ATRNL1: variants seen among roughly 807,000 people sequenced by gnomAD.
ATRNL1 encodes attractin like 1.
In ATRNL1, 95 loss-of-function variants were observed where a neutral mutation model predicts 182.7. That is an observed-to-expected ratio of 0.52 (90% confidence interval 0.44 to 0.62). ATRNL1 has a LOEUF of 0.62. Ranked by LOEUF, ATRNL1 falls within the 20% of genes least tolerant of loss-of-function variation. ATRNL1 has a pLI of 0.00. For missense variants in ATRNL1, 1,471 were observed against 1,679.5 expected, an observed-to-expected ratio of 0.88 and a Z score of 2.17; for synonymous variants, 576 against 568.3, an observed-to-expected ratio of 1.01 and a Z score of -0.19.
chr10:115,429,786 G>A (rs1554963570), intron 21 of ATRNL1, among the ~76,000 whole-genome samples: 1 of 151,984 alleles, frequency 6.6e-6, no homozygotes, highest in East Asian at 1.9e-4. Context: ...ATTATTTTCT[G>A]GCCGGGCGCT....
intron 27 of ATRNL1, among the ~76,000 whole-genome samples, chr10:115,746,068 A>G (rs1365209322): frequency 6.6e-6 from 1 of 152,134 alleles, no homozygotes; most frequent in Admixed American, 6.6e-5. Flanking sequence ...TTTAACTTTT[A>G]TAAGAAAAAA....
chr10:115,538,518 C>A (rs1554991111), intron 25 of ATRNL1, among the ~76,000 whole-genome samples: 1 of 152,062 alleles, frequency 6.6e-6, no homozygotes, highest in Admixed American at 6.6e-5. Context: ...TTTTTCAAAT[C>A]TTTTGCCTAG....
chr10:115,890,233 C>T (rs1952047716), intron 28 of ATRNL1, among the ~76,000 whole-genome samples: 2 of 152,146 alleles, frequency 1.3e-5, no homozygotes, highest in Admixed American at 1.3e-4. Flanking sequence ...CACATGGGGA[C>T]AGAGTGGCAG....
chr10:115,249,514 G>A (rs1467966222), intron 10 of ATRNL1, among the ~76,000 whole-genome samples: 2 of 151,948 alleles, frequency 1.3e-5, no homozygotes, highest in East Asian at 3.9e-4. Context: ...TATCCCTCAC[G>A]TGTAAATAGT....
chr10:115,159,522 A>G (rs1846679216), intron 5 of ATRNL1, among the ~76,000 whole-genome samples: 1 of 149,896 alleles, frequency 6.7e-6, no homozygotes, highest in Admixed American at 6.6e-5. Flanking sequence ...TAATAATGCT[A>G]AAAAAAATGT....
At chr10:115,285,502 T>A (rs1441686965) in intron 14 of ATRNL1, among the ~76,000 whole-genome samples, 3 of 152,144 alleles carry the variant, frequency 2.0e-5, no homozygotes, top group African/African-American at 7.2e-5. Context: ...TATTAATTAG[T>A]GCACACTAAA....
At chr10:115,117,736 C>A (rs7921195) in intron 1 of ATRNL1, among the ~76,000 whole-genome samples, 2 of 151,996 alleles carry the variant, frequency 1.3e-5, no homozygotes, top group South Asian at 4.1e-4. Flanking sequence ...ATTGCTGAAT[C>A]GTATGGTAGC....
intron 26 of ATRNL1, among the ~76,000 whole-genome samples, chr10:115,675,929 G>A (rs994036817): frequency 6.6e-6 from 1 of 152,206 alleles, no homozygotes; most frequent in African/African-American, 2.4e-5. Context: ...AATCCAGGCC[G>A]TCTGTCTCCA....
rs781989805 is a variant in ATRNL1 at position 115,426,215 on chromosome 10, T to A, written c.3270-35T>A. The A allele has an allele frequency of 1.3e-5, 20 of 1,579,912 alleles. No individual in the cohort carries two copies. In the East Asian group the frequency reaches 4.3e-4, roughly 34 times the overall value. Reference sequence around the variant, plus strand: ...AAAACATGAGGCTTTTGAATTGCATTGTTTAATAGTAAATGAGTTTTTGTG... The same window carrying A: ...AAAACATGAGGCTTTTGAATTGCATAGTTTAATAGTAAATGAGTTTTTGTG... On this transcript the variant is annotated intron_variant, in intron 20 of 28. Transcript: ENST00000355044.
chr10:115,386,628 C>G (rs1362666745), intron 19 of ATRNL1, among the ~76,000 whole-genome samples: 2 of 151,944 alleles, frequency 1.3e-5, no homozygotes, highest in African/African-American at 4.8e-5. Context: ...CTTAAGCACC[C>G]AAGGTACATC....
At chr10:115,510,992 A>G (rs1421398829) in intron 24 of ATRNL1, among the ~76,000 whole-genome samples, 1 of 152,026 alleles carries the variant, frequency 6.6e-6, no homozygotes, top group Non-Finnish European at 1.5e-5. Flanking sequence ...TGTTTGCTAT[A>G]GAAAGAACTT....
chr10:115,191,365 C>G (rs1396244920), intron 8 of ATRNL1, among the ~76,000 whole-genome samples: 2 of 152,090 alleles, frequency 1.3e-5, no homozygotes, highest in Non-Finnish European at 2.9e-5. Context: ...TCTCCACATC[C>G]TCATCAGCAT....
intron 26 of ATRNL1, among the ~76,000 whole-genome samples, chr10:115,691,987 T>C (rs1472775390): frequency 6.6e-6 from 1 of 152,162 alleles, no homozygotes; most frequent in African/African-American, 2.4e-5. Flanking sequence ...TTGACAGTTT[T>C]AGGTTTTGTT....
chr10:115,403,400 A>G (rs1844672151), intron 20 of ATRNL1, among the ~76,000 whole-genome samples: 1 of 151,972 alleles, frequency 6.6e-6, no homozygotes, highest in Non-Finnish European at 1.5e-5. Context: ...TATCACCTTT[A>G]TAAACACAAT....
intron 27 of ATRNL1, among the ~76,000 whole-genome samples, chr10:115,814,542 T>C (rs1234114331): frequency 6.6e-6 from 1 of 152,106 alleles, no homozygotes; most frequent in African/African-American, 2.4e-5. Context: ...TGATAGTGAG[T>C]TACCAGTCCC....
Position 115,171,292 on chromosome 10 carries a change from T to C in ATRNL1, c.1348T>C (p.Ser450Pro), listed in dbSNP as rs1554885536. 6.4e-7 allele frequency: 1 copy of C among 1,550,850 alleles called. No homozygotes were observed. Among genetic ancestry groups the C allele is most frequent in the Non-Finnish European group, 8.8e-7 (1 of 1,140,024 alleles). Residue 450 changes from serine (S) to proline (P), a missense_variant and splice_region_variant, in exon 8 of 29, where the codon TCA becomes CCA. By Grantham distance (74) the Ser-to-Pro change is moderately conservative (BLOSUM62 -1). Around this residue, in one of 3 missense-constraint regions of ATRNL1, gnomAD observed 1,031 missense variants for 1,156.0 expected, o/e 0.89. Transcript: ENST00000355044. ...AAGCAGCATACAGGAATACCATATC[T>C]GTGAGTTACTTAAAAATTGTAATTT... Reference protein sequence around the residue: ...YTSSIQEYHISSNTWLVPETK... With the variant: ...YTSSIQEYHIPSNTWLVPETK...
At chr10:115,833,450 G>A (rs1284226052) in intron 27 of ATRNL1, among the ~76,000 whole-genome samples, 1 of 152,056 alleles carries the variant, frequency 6.6e-6, no homozygotes, top group Non-Finnish European at 1.5e-5. Flanking sequence ...ATAAGCTCCT[G>A]GGCTATTCTA....
At chr10:115,415,191 C>A (rs1254542080) in intron 20 of ATRNL1, among the ~76,000 whole-genome samples, 1 of 152,008 alleles carries the variant, frequency 6.6e-6, no homozygotes, top group Non-Finnish European at 1.5e-5. Context: ...TCTACAGACT[C>A]ATAAGCAGGA....
At position 115,182,927 on chromosome 10, in the gene ATRNL1, AT is replaced by A. The variant is rs1847803284; in HGVS notation, c.1348+11636del. On this transcript the variant is annotated intron_variant, in intron 8 of 28. Coordinates refer to ENST00000355044, the MANE Select transcript of ATRNL1 (RefSeq NM_207303.4). ...AAAAAATAAGAAAATATCTAAAAAAATCTAAACAACATAACTAATAAAGTTG... is the reference window on the plus strand; with the variant it reads ...AAAAAATAAGAAAATATCTAAAAAAACTAAACAACATAACTAATAAAGTTG... Among the ~76,000 whole-genome samples the A allele has an allele frequency of 2.6e-5, 4 of 151,524 alleles. No individual in the cohort carries two copies. In the South Asian group the frequency reaches 8.3e-4, roughly 31 times the overall value.
Sources: gnomAD v4.1 joint callset for allele counts (sites outside exome capture counted in the v4.1 genomes callset) on GRCh38, gnomAD v4.1.1 for gene constraint, gnomAD v4.1.1 regional missense constraint, MANE v1.5 for transcripts, NCBI Gene and HGNC (gene_info 2026-07-23, HGNC 2026-07-21) for gene names.